Variants in FAT1 observed in about 807,000 individuals in gnomAD.
The protein encoded by FAT1 is protocadherin Fat 1.
Under a neutral mutation model 329.8 loss-of-function variants are expected in FAT1, and 171 were observed. That is an observed-to-expected ratio of 0.52 (90% CI 0.46 to 0.59). FAT1 has a LOEUF of 0.59. Ranked by LOEUF, FAT1 falls within the 20% of genes least tolerant of loss-of-function variation. The pLI is 0.00. For synonymous variants in FAT1, 2,233 were observed against 2,228.6 expected (o/e 1.00, Z -0.06); for missense variants, 5,672 against 5,774.4 (o/e 0.98, Z 0.57).
At chr4:186,636,975 T>G in intron 4 of FAT1, 61 bp from the exon 5 acceptor site, 23 of 1,417,620 alleles carry the variant, frequency 1.6e-5, no homozygotes, top group Non-Finnish European at 2.1e-5. Context: ...AGTGAGCATC[T>G]TCTTCCTCAT....
intron 22 of FAT1, 73 bp from the exon 23 acceptor site, chr4:186,598,198 T>G (rs1240925480): frequency 7.4e-7 from 1 of 1,349,142 alleles, no homozygotes; most frequent in Non-Finnish European, 9.9e-7. Flanking sequence ...TTATATTGCT[T>G]TTTATCTTTA....
At position 186,636,003 on chromosome 4, in the gene FAT1, G is replaced by A. The variant is rs760495191; in HGVS notation, c.4183+22C>T. ...CCTCAGTGTAACCCATACGGACAAC[G>A]AAAATGAGGGGGAATGCTTACCAGT... On this transcript the variant is annotated intron_variant, in intron 6 of 26. Transcript: ENST00000441802. 10 of 1,611,162 alleles carry A rather than the reference G, an allele frequency of 6.2e-6. No homozygotes were observed. The East Asian group carries it at 1.8e-4, about 29-fold the overall frequency.
chr4:186,697,637 C>T (rs1490798830), intron 2 of FAT1, among the ~76,000 whole-genome samples: 2 of 152,154 alleles, frequency 1.3e-5, no homozygotes, highest in Non-Finnish European at 2.9e-5. Flanking sequence ...GTTTATCTAG[C>T]TCATTTATAA....
At chr4:186,672,251 T>A (rs561649642) in intron 2 of FAT1, among the ~76,000 whole-genome samples, 4 of 152,328 alleles carry the variant, frequency 2.6e-5, no homozygotes, top group Admixed American at 2.0e-4. Flanking sequence ...TCTATAAATA[T>A]TTTATGTTTT....
intron 9 of FAT1, 95 bp downstream of exon 9, chr4:186,628,059 A>T: frequency 7.5e-7 from 1 of 1,334,840 alleles, no homozygotes. Context: ...GCAGATACAT[A>T]GAAATGCTTC....
chr4:186,623,863 A>C (rs978094089), intron 9 of FAT1, among the ~76,000 whole-genome samples: 5 of 152,200 alleles, frequency 3.3e-5, no homozygotes, highest in African/African-American at 1.2e-4. Context: ...AAGATTCAGA[A>C]ACATCCTCTA....
At chr4:186,704,860 T>C (rs923320036) in intron 2 of FAT1, among the ~76,000 whole-genome samples, 16 of 152,068 alleles carry the variant, frequency 1.1e-4, no homozygotes, top group African/African-American at 3.6e-4. Flanking sequence ...ACATAGGCCA[T>C]ATGCTAGTGG....
intron 3 of FAT1, among the ~76,000 whole-genome samples, chr4:186,644,217 G>A (rs937994195): frequency 6.6e-6 from 1 of 152,122 alleles, no homozygotes; most frequent in Non-Finnish European, 1.5e-5. Flanking sequence ...TCTGAACTGT[G>A]ACTTTCATAA....
rs2126617263 is a variant in FAT1 at position 186,663,406 on chromosome 4, A to G, written c.3473T>C (p.Val1158Ala). Residue 1158 changes from valine to alanine, a missense_variant, in exon 3 of 27, where the codon GTG becomes GCG. Coordinates refer to ENST00000441802, the MANE Select transcript of FAT1 (RefSeq NM_005245.4). ...TGGATCAAATGCCTCGATCTGGACC[A>G]CAGATACATCTTTAGGAGAATTTTC... Reference protein sequence around the residue: ...IMENSPKDVSVVQIEAFDPDS... With the variant: ...IMENSPKDVSAVQIEAFDPDS... 1 of 1,614,032 alleles carries G rather than the reference A, an allele frequency of 6.2e-7. No homozygotes were observed. The highest frequency in any genetic ancestry group is 8.5e-7 in the Non-Finnish European group (1 of 1,179,882).
intron 1 of FAT1, among the ~76,000 whole-genome samples, chr4:186,717,470 C>T (rs1227450189): frequency 1.3e-5 from 2 of 152,198 alleles, no homozygotes; most frequent in Non-Finnish European, 2.9e-5. Flanking sequence ...ATATTGCCTT[C>T]ACATGATCAA....
At chr4:186,595,322 AGAGT>A (rs1373026440) in intron 26 of FAT1, among the ~76,000 whole-genome samples, 8 of 151,906 alleles carry the variant, frequency 5.3e-5, no homozygotes, top group Admixed American at 1.3e-4. Context: ...TGTGTGAGAG[AGAGT>A]GTGTGTTTGT....
rs1298661702 is a variant in FAT1, at chr4:186,613,150, C to T, written c.9422G>A (p.Gly3141Glu). ...AITVFENTEP[G>E]TLLTRVQATD... is the part of the protein sequence containing the mutation. The stretch of plus-strand genomic sequence containing the variant: ...GGCCTGCACTCTTGTCAGCAGCGTT[C>T]CCGGCTCTGTGTTTTCAAACACGGT... Residue 3141 changes from glycine (G) to glutamate (E), a missense_variant, in exon 13 of 27, where the codon GGA becomes GAA. Around this residue, in one of 2 missense-constraint regions of FAT1, gnomAD observed 3,966 missense variants for 3,915.2 expected, o/e 1.01. Coordinates refer to ENST00000441802, the MANE Select transcript of FAT1 (RefSeq NM_005245.4). 6.2e-7 allele frequency: 1 copy of T among 1,613,370 alleles called. No individual in the cohort carries two copies. The highest frequency in any genetic ancestry group is 8.5e-7 in the Non-Finnish European group (1 of 1,179,866).
chr4:186,631,198 C>T (rs114388759), intron 7 of FAT1, among the ~76,000 whole-genome samples: 8,895 of 152,220 alleles, frequency 0.058, 271 homozygotes, highest in Middle Eastern at 0.11. Flanking sequence ...AATCCATCCC[C>T]GAGGTATCCT....
At chr4:186,645,903 A>AC (rs1741349394) in intron 3 of FAT1, among the ~76,000 whole-genome samples, 1 of 144,922 alleles carries the variant, frequency 6.9e-6, no homozygotes, top group Admixed American at 7.2e-5. Context: ...CTGAGGGCGG[A>AC]CCACTGCAAT....
intron 2 of FAT1, among the ~76,000 whole-genome samples, chr4:186,697,210 C>T (rs1014886655): frequency 1.3e-5 from 2 of 152,132 alleles, no homozygotes; most frequent in Admixed American, 1.3e-4. Flanking sequence ...TAGAAAGCTG[C>T]TTAACTTAAA....
At position 186,709,875 on chromosome 4, in the gene FAT1, T is replaced by C. The variant is rs1229006474; in HGVS notation, c.-18-30A>G. ...AACAGAAGAAATCAGAATCGTTACC[T>C]TGGGGAAATAAAACAAGCAAAAGTG... is the stretch of plus-strand genomic sequence containing the variant. On this transcript the variant is annotated intron_variant, in intron 1 of 26. Transcript: ENST00000441802. 2.0e-6 allele frequency: 3 copies of C among 1,526,270 alleles called. No individual in the cohort carries two copies. The Admixed American group carries it at 6.1e-5, about 31-fold the overall frequency. 94.5% of individuals were successfully genotyped at this position (1,526,270 alleles called of 1,614,324 possible).
chr4:186,721,148 T>C (rs914247796), intron 1 of FAT1, among the ~76,000 whole-genome samples: 2 of 152,262 alleles, frequency 1.3e-5, no homozygotes, highest in African/African-American at 4.8e-5. Context: ...GAAGCCTTTA[T>C]TATTTTTACT....
In FAT1 at chr4:186,592,449, T is replaced by A. The variant is rs1450378213; in HGVS notation, c.13139-3229A>T. Among the ~76,000 whole-genome samples, 7 of 145,438 alleles carry A rather than the reference T, an allele frequency of 4.8e-5. No individual in the cohort carries two copies. The Admixed American group carries it at 5.0e-4, about 10-fold the overall frequency. ...TTTTCTTGATTGCACCACCTACAGA[T>A]AAGCTCTCCAGATCTCATGTAAATC... On this transcript the variant is annotated intron_variant, in intron 26 of 26. Transcript: ENST00000441802.
chr4:186,677,509 G>A (rs1012999378), intron 2 of FAT1, among the ~76,000 whole-genome samples: 1 of 150,366 alleles, frequency 6.7e-6, no homozygotes, highest in Non-Finnish European at 1.5e-5. Context: ...TTTTAATGAA[G>A]AACGGTGTAT....
Sources: allele counts gnomAD v4.1 joint callset (sites outside exome capture counted in the v4.1 genomes callset), GRCh38; gene constraint gnomAD v4.1.1; regional missense constraint gnomAD v4.1.1; transcripts MANE v1.5; gene names NCBI Gene and HGNC (gene_info 2026-07-23, HGNC 2026-07-21).